The following OR5P3 variants were observed in gnomAD, a reference collection of about 807,000 sequenced individuals.
The protein encoded by OR5P3 is olfactory receptor 5P3.
For synonymous variants in OR5P3, 172 were observed against 141.8 expected (o/e 1.21, Z -1.51); for missense variants, 415 against 375.6 (o/e 1.10, Z -0.87).
intron 1 of OR5P3, among the ~76,000 whole-genome samples, chr11:7,829,447 G>A (rs1857783932): frequency 6.6e-6 from 1 of 151,818 alleles, no homozygotes; most frequent in Non-Finnish European, 1.5e-5. Context: ...CAAAATAACT[G>A]CTCAATACAT....
At position 7,828,970 on chromosome 11, in the gene OR5P3, G is replaced by A. The variant is rs565107474; in HGVS notation, c.-22+1854C>T. ...ATTATACAAAATGTTTAAACTGAAC[G>A]TGGAGATATAAGAAAGAAAATTTCC... On this transcript the variant is annotated intron_variant, in intron 1 of 1. Transcript: ENST00000641167. 6.6e-5 allele frequency among the ~76,000 whole-genome samples: 10 copies of A among 152,224 alleles called. No individual in the cohort carries two copies. In the South Asian group the frequency reaches 1.2e-3, roughly 19 times the overall value.
At chr11:7,828,873 A>G (rs955850788) in intron 1 of OR5P3, among the ~76,000 whole-genome samples, 1 of 152,134 alleles carries the variant, frequency 6.6e-6, no homozygotes, top group African/African-American at 2.4e-5. Flanking sequence ...GTTATTTCAT[A>G]TAGGGTTTCA....
intron 1 of OR5P3, among the ~76,000 whole-genome samples, chr11:7,829,934 T>C (rs1564833734): frequency 6.6e-6 from 1 of 152,196 alleles, no homozygotes; most frequent in African/African-American, 2.4e-5. Context: ...TTTTTATCAA[T>C]GATATCTTCT....
At position 7,830,825 on chromosome 11, in the gene OR5P3, T is replaced by A. The variant is rs1238984374; in HGVS notation, c.-23A>T. 6.6e-6 allele frequency: 1 copy of A among 152,158 alleles called. No homozygotes were observed. The highest frequency in any genetic ancestry group is 1.5e-5 in the Non-Finnish European group (1 of 68,020). 9.4% of individuals were successfully genotyped at this position (152,158 alleles called of 1,614,324 possible). A position where few individuals can be genotyped will look rare whatever the true frequency, so the allele number is the denominator to read the frequency against. Reference sequence around the variant, plus strand: ...TCAATAGAAAAGGGAAATTATTACCTGCAGATGAATGTACATCAGCAATAA... The same window carrying A: ...TCAATAGAAAAGGGAAATTATTACCAGCAGATGAATGTACATCAGCAATAA... On this transcript the variant is annotated splice_region_variant and 5_prime_UTR_variant, in exon 1 of 2. Transcript: ENST00000641167.
At chr11:7,827,906 T>C (rs1484329667) in intron 1 of OR5P3, among the ~76,000 whole-genome samples, 3 of 152,098 alleles carry the variant, frequency 2.0e-5, no homozygotes, top group African/African-American at 7.2e-5. Flanking sequence ...ACAGAAATAA[T>C]GTAAGAAAAT....
At chr11:7,830,158 A>C (rs1429384812) in intron 1 of OR5P3, among the ~76,000 whole-genome samples, 1 of 152,192 alleles carries the variant, frequency 6.6e-6, no homozygotes, top group Non-Finnish European at 1.5e-5. Flanking sequence ...TCTTGCACAC[A>C]TGCACTGCTG....
rs552968104 is a variant in OR5P3 at position 7,828,692 on chromosome 11, G to C, written c.-22+2132C>G. Reference sequence around the variant, plus strand: ...GTAAAATCAAAGGGTCAAAAATCCTGGAGTTAAAAAAACAAAAAAACTGGA... The same window carrying C: ...GTAAAATCAAAGGGTCAAAAATCCTCGAGTTAAAAAAACAAAAAAACTGGA... On this transcript the variant is annotated intron_variant, in intron 1 of 1. Coordinates refer to ENST00000641167, the MANE Select transcript of OR5P3 (RefSeq NM_153445.2). Among the ~76,000 whole-genome samples, 24 of 152,092 alleles carry C rather than the reference G, an allele frequency of 1.6e-4. 2 individuals carry two copies. The South Asian group carries it at 5.0e-3, about 32-fold the overall frequency.
At chr11:7,830,209 C>G (rs1857793782) in intron 1 of OR5P3, among the ~76,000 whole-genome samples, 1 of 152,168 alleles carries the variant, frequency 6.6e-6, no homozygotes, top group Non-Finnish European at 1.5e-5. Flanking sequence ...TGCATACACA[C>G]ACACACACTG....
rs1257057188 is a variant in OR5P3 at position 7,825,951 on chromosome 11, T to G, written c.22A>C (p.Thr8Pro). 1.9e-6 allele frequency: 3 copies of G among 1,563,152 alleles called. No homozygotes were observed. In the African/African-American group the frequency reaches 4.5e-5, roughly 23 times the overall value. Residue 8 changes from threonine to proline, a missense_variant, in exon 2 of 2, where the codon ACT (threonine) becomes CCT (proline). Thr to Pro is a conservative substitution (Grantham distance 38, BLOSUM62 -1). Transcript: ENST00000641167. MGTGNDT[T>P]VVEFTLLGLS... ...CCCAAAAGAGTAAACTCTACCACAG[T>G]GGTGTCATTTCCAGTCCCCATCTAT...
intron 1 of OR5P3, among the ~76,000 whole-genome samples, chr11:7,829,460 G>C (rs1268473271): frequency 6.6e-6 from 1 of 152,022 alleles, no homozygotes; most frequent in Non-Finnish European, 1.5e-5. Context: ...CAATACATGG[G>C]AGAATCATCA....
chr11:7,826,875 G>A lies in OR5P3; in HGVS notation c.-21-882C>T, dbSNP rs181243125. On this transcript the variant is annotated intron_variant, in intron 1 of 1. Coordinates refer to ENST00000641167, the MANE Select transcript of OR5P3 (RefSeq NM_153445.2). ...ATCCAGCCCTATCTGAATAGTTGCT[G>A]TCTGAAAAAAATTGCATCTGTAGGT... 3.9e-5 allele frequency among the ~76,000 whole-genome samples: 6 copies of A among 152,268 alleles called. No homozygotes were observed. The East Asian group carries it at 1.2e-3, about 29-fold the overall frequency.
At chr11:7,826,879 G>GA (rs1207424233) in intron 1 of OR5P3, among the ~76,000 whole-genome samples, 1 of 152,118 alleles carries the variant, frequency 6.6e-6, no homozygotes, top group Non-Finnish European at 1.5e-5. Context: ...GTTGCTGTCT[G>GA]AAAAAAATTG....
intron 1 of OR5P3, among the ~76,000 whole-genome samples, chr11:7,830,281 G>A (rs1259376686): frequency 6.6e-6 from 1 of 152,036 alleles, no homozygotes; most frequent in Non-Finnish European, 1.5e-5. Context: ...GAACTGAGAT[G>A]CTTGAATAAT....
At position 7,830,112 on chromosome 11, in the gene OR5P3, T is replaced by A. The variant is rs1194458639; in HGVS notation, c.-22+712A>T. On this transcript the variant is annotated intron_variant, in intron 1 of 1. Transcript: ENST00000641167. ...ACCAAAATTAAGGAATAATGTATTT[T>A]TCTTTAAAGAATTTGCTCTCAAGCA... 3.3e-5 allele frequency among the ~76,000 whole-genome samples: 5 copies of A among 152,204 alleles called. No homozygotes were observed. The East Asian group carries it at 9.6e-4, about 29-fold the overall frequency.
rs1857732674 is a variant in OR5P3, at chr11:7,825,809, AGAT to A, written c.161_163del (p.His54del). 5.0e-6 allele frequency: 8 copies of A among 1,613,270 alleles called. No individual in the cohort carries two copies. The highest frequency in any genetic ancestry group is 6.8e-6 in the Non-Finnish European group (8 of 1,180,012). ...GAGGAAAATGTACATGGGTGTATGA[AGAT>A]GATGACTTCTTCTGATCAATACAAT... On this transcript the variant is annotated inframe_deletion, in exon 2 of 2. Transcript: ENST00000641167.
intron 1 of OR5P3, among the ~76,000 whole-genome samples, chr11:7,827,068 A>T (rs1278038566): frequency 6.6e-6 from 1 of 152,186 alleles, no homozygotes; most frequent in Non-Finnish European, 1.5e-5. Context: ...TAGATAATAC[A>T]CACCATTGTC....
chr11:7,827,485 T>C (rs1251104383), intron 1 of OR5P3, among the ~76,000 whole-genome samples: 2 of 152,158 alleles, frequency 1.3e-5, no homozygotes, highest in African/African-American at 4.8e-5. Context: ...ATTTTCTTTT[T>C]TCTGAGCAAC....
rs1474541767 is a variant in OR5P3 at position 7,825,812 on chromosome 11, T to C, written c.161A>G (p.His54Arg). The C allele has an allele frequency of 1.9e-6, 3 of 1,613,166 alleles. No individual in the cohort carries two copies. In the South Asian group the frequency reaches 3.3e-5, roughly 18 times the overall value. ...SIIVLIRRSH[H>R]LHTPMYIFLC... ...GAAAATGTACATGGGTGTATGAAGATGATGACTTCTTCTGATCAATACAAT... is the reference window on the plus strand; with the variant it reads ...GAAAATGTACATGGGTGTATGAAGACGATGACTTCTTCTGATCAATACAAT... The change falls in exon 2 of 2, where the codon CAT (histidine) becomes CGT (arginine). Residue 54 changes from histidine (H) to arginine (R), a missense_variant. His to Arg is a conservative substitution (Grantham distance 29). Coordinates refer to ENST00000641167, the MANE Select transcript of OR5P3 (RefSeq NM_153445.2).
chr11:7,824,859 G>C lies in OR5P3; in HGVS notation c.*178C>G. The C allele has an allele frequency of 2.5e-6, 1 of 392,478 alleles. No individual in the cohort carries two copies. The highest frequency in any genetic ancestry group is 4.4e-6 in the Non-Finnish European group (1 of 225,022). 24.3% of individuals were successfully genotyped at this position (392,478 alleles called of 1,614,324 possible). A position where few individuals can be genotyped will look rare whatever the true frequency, so the allele number is the denominator to read the frequency against. Reference sequence around the variant, plus strand: ...TTAATTAAATTTTATTAAAGGTAAAGCAAGATGGACTTCTAATTTCCTATT... The same window carrying C: ...TTAATTAAATTTTATTAAAGGTAAACCAAGATGGACTTCTAATTTCCTATT... On this transcript the variant is annotated 3_prime_UTR_variant, in exon 2 of 2. Coordinates refer to ENST00000641167, the MANE Select transcript of OR5P3 (RefSeq NM_153445.2).
Sources: gnomAD v4.1 joint callset for allele counts (sites outside exome capture counted in the v4.1 genomes callset) on GRCh38, gnomAD v4.1.1 for gene constraint, MANE v1.5 for transcripts, NCBI Gene and HGNC (gene_info 2026-07-23, HGNC 2026-07-21) for gene names.